The following TCF3 variants were observed in gnomAD, a reference collection of about 807,000 sequenced individuals.
TCF3 encodes transcription factor E2-alpha.
In TCF3, 54 loss-of-function variants were observed where a neutral mutation model predicts 72.3. That is an observed-to-expected ratio of 0.75 (90% CI 0.60 to 0.94). The LOEUF is 0.94. TCF3 is among the 40% of genes least tolerant of loss of function. TCF3 has a pLI of 0.00. For synonymous variants in TCF3, 525 were observed against 412.6 expected (o/e 1.27, Z -3.30); for missense variants, 1,078 against 934.4 (o/e 1.15, Z -2.00).
At chr19:1,641,312 A>T (rs570994859) in intron 3 of TCF3, among the ~76,000 whole-genome samples, 24 of 152,234 alleles carry the variant, frequency 1.6e-4, no homozygotes, top group African/African-American at 5.1e-4. Context: ...CCATTTACAC[A>T]AAATACTCAA....
intron 1 of TCF3, chr19:1,650,526 T>C (rs907732422): frequency 7.3e-6 from 3 of 412,964 alleles, no homozygotes; most frequent in African/African-American, 2.0e-5. Flanking sequence ...GTCTGAAAAA[T>C]GGGGGGAGGG....
chr19:1,612,816 C>A (rs1599425387), intron 18 of TCF3, among the ~76,000 whole-genome samples: 1 of 150,304 alleles, frequency 6.7e-6, no homozygotes, highest in African/African-American at 2.5e-5. Flanking sequence ...TGCAGTTACA[C>A]AGCTGGTGTC....
At chr19:1,627,489 G>C in intron 5 of TCF3, 63 bp from the exon 6 acceptor site, 1 of 1,496,486 alleles carries the variant, frequency 6.7e-7, no homozygotes. Flanking sequence ...GGGCCCCCGA[G>C]TGCCTGCCAT....
rs567417124 is a variant in TCF3, at chr19:1,609,776, T to C, written c.*1931A>G. 164 of 230,414 alleles carry C rather than the reference T, an allele frequency of 7.1e-4. 1 individual carries two copies. The highest frequency in any genetic ancestry group is 3.5e-3 in the African/African-American group (157 of 45,136). 14.3% of individuals were successfully genotyped at this position (230,414 alleles called of 1,614,324 possible). On this transcript the variant is annotated 3_prime_UTR_variant, in exon 19 of 19. Transcript: ENST00000262965. ...ATTGAGCTGGCCTTGAGGTTTCCCT[T>C]GCATCTACCATGGGGCCCAGGCTCC...
chr19:1,616,621 G>C (rs2061573527), intron 16 of TCF3: 1 of 152,114 alleles, frequency 6.6e-6, no homozygotes, highest in Admixed American at 6.6e-5. Flanking sequence ...AAAGAACACA[G>C]GCCGGGCACA....
chr19:1,650,532 G>T, intron 1 of TCF3: 2 of 408,694 alleles, frequency 4.9e-6, no homozygotes, highest in South Asian at 6.6e-5. Context: ...AAAATGGGGG[G>T]AGGGTGTGCA....
chr19:1,638,500 G>T (rs1191888719), intron 3 of TCF3, among the ~76,000 whole-genome samples: 1 of 152,140 alleles, frequency 6.6e-6, no homozygotes, highest in Non-Finnish European at 1.5e-5. Flanking sequence ...AACCAGGATG[G>T]TCTCGATCTC....
rs1175726338 is a variant in TCF3 at position 1,621,982 on chromosome 19, G to C, written c.823-12C>G. On this transcript the variant is annotated splice_polypyrimidine_tract_variant and intron_variant, in intron 10 of 18. Coordinates refer to ENST00000262965, the MANE Select transcript of TCF3 (RefSeq NM_003200.5). ...TGCAGCTGGTAGCCCTGGGGGGTCA[G>C]GCAGGAGGAGGGTGGGTTAGATGGG... 2.5e-6 allele frequency: 4 copies of C among 1,603,058 alleles called. No individual in the cohort carries two copies. Among genetic ancestry groups the C allele is most frequent in the Non-Finnish European group, 3.4e-6 (4 of 1,175,418 alleles).
At position 1,619,390 on chromosome 19, in the gene TCF3, G is replaced by A; in HGVS notation, c.1252C>T (p.Leu418=). 1 of 1,593,584 alleles carries A rather than the reference G, an allele frequency of 6.3e-7. No homozygotes were observed. Among genetic ancestry groups the A allele is most frequent in the Non-Finnish European group, 8.5e-7 (1 of 1,177,136 alleles). ...AVGTAGDMHT[L]LPGHGALASG... ...GCCAGCGCCCCGTGGCCAGGCAGCA[G>A]CGTGTGCATGTCGCCGGCTGTGCCC... Residue 418 remains leucine, a synonymous_variant, in exon 15 of 19, where the codon CTG becomes TTG. Transcript: ENST00000262965.
At chr19:1,618,217 C>G (rs967836556) in intron 16 of TCF3, among the ~76,000 whole-genome samples, 1 of 152,136 alleles carries the variant, frequency 6.6e-6, no homozygotes, top group African/African-American at 2.4e-5. Context: ...CCTGCCTTCT[C>G]TCACCCTCAA....
chr19:1,649,889 C>T (rs954040951), intron 2 of TCF3, among the ~76,000 whole-genome samples: 2 of 152,270 alleles, frequency 1.3e-5, no homozygotes, highest in African/African-American at 4.8e-5. Flanking sequence ...GCTTACCCAG[C>T]CAAGCTGGGG....
chr19:1,619,344 A>G lies in TCF3; in HGVS notation c.1298T>C (p.Met433Thr), dbSNP rs369292832. 5 of 1,582,808 alleles carry G rather than the reference A, an allele frequency of 3.2e-6. No homozygotes were observed. The highest frequency in any genetic ancestry group is 4.3e-6 in the Non-Finnish European group (5 of 1,170,700). The change falls in exon 15 of 19, where the codon ATG (methionine) becomes ACG (threonine). Residue 433 changes from methionine to threonine, a missense_variant. Transcript: ENST00000262965. ...GALASGFTGP[M>T]SLGGRHAGLV... The stretch of plus-strand genomic sequence containing the variant: ...GCCTGCGTGCCGCCCGCCCAGTGAC[A>G]TGGGGCCGGTGAAACCTGAGGCCAG...
Position 1,625,142 on chromosome 19 carries a change from T to G in TCF3, c.499+434A>C, listed in dbSNP as rs115061172. ...GACCCCAGGTGAGTGCCGCCATGCC[T>G]GGCGACTGTGCTGCCTGGAATGGGC... On this transcript the variant is annotated intron_variant, in intron 7 of 18. Transcript: ENST00000262965. Among the ~76,000 whole-genome samples, 458 of 152,346 alleles carry G rather than the reference T, an allele frequency of 3.0e-3. 4 individuals carry two copies. The highest frequency in any genetic ancestry group is 0.011 in the African/African-American group (437 of 41,594).
intron 3 of TCF3, among the ~76,000 whole-genome samples, chr19:1,637,321 G>A (rs1444701283): frequency 6.6e-6 from 1 of 151,496 alleles, no homozygotes; most frequent in African/African-American, 2.4e-5. Flanking sequence ...TACCAGAACC[G>A]AGGACAACCT....
rs2060931790 is a variant in TCF3, at chr19:1,610,901, T to C, written c.*806A>G. The C allele has an allele frequency of 7.0e-6, 1 of 142,906 alleles. No homozygotes were observed. Among genetic ancestry groups the C allele is most frequent in the Admixed American group, 7.4e-5 (1 of 13,452 alleles). The allele number at this position is 142,906 out of a possible 1,614,324, so 8.9% of individuals were successfully genotyped here. A position where few individuals can be genotyped will look rare whatever the true frequency, so the allele number is the denominator to read the frequency against. On this transcript the variant is annotated 3_prime_UTR_variant, in exon 19 of 19. Coordinates refer to ENST00000262965, the MANE Select transcript of TCF3 (RefSeq NM_003200.5). ...ACAAAAGACCCGCCGCCTGTCCCCGTTCTGTCTGTGTGCAGTGGCTTCCGG... is the reference window on the plus strand; with the variant it reads ...ACAAAAGACCCGCCGCCTGTCCCCGCTCTGTCTGTGTGCAGTGGCTTCCGG...
intron 5 of TCF3, 121 bp from the exon 6 acceptor site, chr19:1,627,547 G>A (rs568138648): frequency 5.7e-5 from 50 of 871,288 alleles, no homozygotes; most frequent in African/African-American, 8.4e-5. Context: ...AGAGCGCCAC[G>A]GCAGGATGCT....
At chr19:1,613,732 G>A (rs927037787) in intron 18 of TCF3, among the ~76,000 whole-genome samples, 1 of 152,110 alleles carries the variant, frequency 6.6e-6, no homozygotes, top group African/African-American at 2.4e-5. Flanking sequence ...ACCCTGGGGA[G>A]GAGCCTCAGA....
At chr19:1,651,276 C>T (rs1365262708) in intron 1 of TCF3, 1 of 226,638 alleles carries the variant, frequency 4.4e-6, no homozygotes, top group African/African-American at 2.2e-5. Context: ...GCCCGGGAGA[C>T]ACCTCCGAGG....
At chr19:1,646,509 G>A (rs1246337728) in intron 2 of TCF3, 82 bp from the exon 3 acceptor site, 4 of 1,323,118 alleles carry the variant, frequency 3.0e-6, no homozygotes, top group Non-Finnish European at 4.2e-6. Context: ...CAAGCTGGGA[G>A]CAGAGCTGGG....
Sources: gnomAD v4.1 joint callset for allele counts (sites outside exome capture counted in the v4.1 genomes callset) on GRCh38, gnomAD v4.1.1 for gene constraint, MANE v1.5 for transcripts, NCBI Gene and HGNC (gene_info 2026-07-23, HGNC 2026-07-21) for gene names.